The following CSMD1 variants were observed in gnomAD, a reference collection of about 807,000 sequenced individuals.
The protein encoded by CSMD1 is CUB and Sushi multiple domains 1, also known as CUB and sushi domain-containing protein 1.
CSMD1 carries 213 observed loss-of-function variants against 417.5 expected under a neutral mutation model. That is an observed-to-expected ratio of 0.51 (90% CI 0.46 to 0.57). The LOEUF (loss-of-function observed/expected upper bound fraction) is 0.57. Among genes scored for constraint, CSMD1 ranks in the 20% least tolerant of loss-of-function variants. The pLI is 0.00. For synonymous variants in CSMD1, 2,862 were observed against 1,736.8 expected (o/e 1.65, Z -16.11); for missense variants, 6,923 against 4,529.7 (o/e 1.53, Z -15.17).
At chr8:4,228,504 C>G (rs1254965711) in intron 3 of CSMD1, among the ~76,000 whole-genome samples, 1 of 151,898 alleles carries the variant, frequency 6.6e-6, no homozygotes, top group Non-Finnish European at 1.5e-5. Context: ...TGTCTCTGGT[C>G]TTCCAGTCAA....
intron 12 of CSMD1, among the ~76,000 whole-genome samples, chr8:3,420,698 G>A (rs1037560696): frequency 3.9e-5 from 6 of 152,104 alleles, no homozygotes; most frequent in African/African-American, 1.2e-4. Context: ...TAAACTTTTG[G>A]GTCTTAATAC....
At chr8:4,261,726 T>C (rs1318414101) in intron 3 of CSMD1, among the ~76,000 whole-genome samples, 3 of 152,072 alleles carry the variant, frequency 2.0e-5, no homozygotes, top group African/African-American at 2.4e-5. Context: ...AGATCTTAAA[T>C]GCCCCCATCA....
chr8:3,334,385 A>G (rs1193261470), intron 23 of CSMD1, among the ~76,000 whole-genome samples: 2 of 152,096 alleles, frequency 1.3e-5, no homozygotes, highest in Non-Finnish European at 2.9e-5. Flanking sequence ...GTGCTTCTGT[A>G]TCGGTCCTGA....
At chr8:3,301,415 G>T (rs1199936316) in intron 25 of CSMD1, among the ~76,000 whole-genome samples, 1 of 152,156 alleles carries the variant, frequency 6.6e-6, no homozygotes, top group Non-Finnish European at 1.5e-5. Context: ...GTCTTGACAT[G>T]TGGATATGAT....
chr8:4,933,299 C>T lies in CSMD1; in HGVS notation c.85+61033G>A, dbSNP rs532991367. Among the ~76,000 whole-genome samples the T allele has an allele frequency of 2.6e-5, 4 of 152,278 alleles. No homozygotes were observed. The South Asian group carries it at 8.3e-4, about 32-fold the overall frequency. ...GCAACATTCTCTCAGAGGAGCACAA[C>T]CTGTCCAGCTGTATAATCATGCATT... On this transcript the variant is annotated intron_variant, in intron 1 of 69. Coordinates refer to ENST00000635120, the MANE Select transcript of CSMD1 (RefSeq NM_033225.6).
chr8:4,580,746 T>A lies in CSMD1; in HGVS notation c.302+56596A>T, dbSNP rs899048952. On this transcript the variant is annotated intron_variant, in intron 2 of 69. Coordinates refer to ENST00000635120, the MANE Select transcript of CSMD1 (RefSeq NM_033225.6). ...GATTAAATCACCCCAAATCAATCTCTCTCCCTTTGAGGTTCTCCTAACATT... is the reference window on the plus strand; with the variant it reads ...GATTAAATCACCCCAAATCAATCTCACTCCCTTTGAGGTTCTCCTAACATT... Among the ~76,000 whole-genome samples, 123 of 152,306 alleles carry A rather than the reference T, an allele frequency of 8.1e-4. 1 individual carries two copies. The highest frequency in any genetic ancestry group is 2.8e-3 in the African/African-American group (115 of 41,562).
At chr8:4,526,022 A>G (rs1198041350) in intron 2 of CSMD1, among the ~76,000 whole-genome samples, 1 of 152,166 alleles carries the variant, frequency 6.6e-6, no homozygotes, top group African/African-American at 2.4e-5. Flanking sequence ...CAGCTCTAGA[A>G]GGAGTGGAGC....
intron 2 of CSMD1, among the ~76,000 whole-genome samples, chr8:4,631,412 T>G (rs1802506126): frequency 6.6e-6 from 1 of 151,828 alleles, no homozygotes; most frequent in East Asian, 1.9e-4. Context: ...TTTTTTTTTT[T>G]TAATCAGTCC....
intron 2 of CSMD1, among the ~76,000 whole-genome samples, chr8:4,624,398 A>G (rs1215989908): frequency 2.0e-5 from 3 of 152,142 alleles, no homozygotes; most frequent in Non-Finnish European, 2.9e-5. Context: ...TTTGGGGTCA[A>G]CTTCTTTGGA....
intron 1 of CSMD1, among the ~76,000 whole-genome samples, chr8:4,640,455 C>G (rs1389682480): frequency 1.3e-5 from 2 of 152,098 alleles, no homozygotes; most frequent in African/African-American, 2.4e-5. Context: ...AATAGAAAGC[C>G]ATAAAATCCA....
intron 26 of CSMD1, among the ~76,000 whole-genome samples, chr8:3,276,056 G>A (rs942141003): frequency 2.6e-5 from 4 of 152,074 alleles, no homozygotes; most frequent in Non-Finnish European, 4.4e-5. Flanking sequence ...CCATCTTTGT[G>A]GTTTTATCTA....
intron 3 of CSMD1, among the ~76,000 whole-genome samples, chr8:4,184,568 G>A (rs1018801050): frequency 2.6e-5 from 4 of 152,168 alleles, no homozygotes; most frequent in African/African-American, 7.2e-5. Flanking sequence ...GCATGAGCAT[G>A]GATGGAGCTG....
chr8:3,613,825 G>A (rs1351531543), intron 8 of CSMD1, among the ~76,000 whole-genome samples: 3 of 151,656 alleles, frequency 2.0e-5, no homozygotes, highest in African/African-American at 7.3e-5. Context: ...TAACTATAAT[G>A]AAAGCCAGAA....
chr8:3,881,322 C>A (rs1338945533), intron 5 of CSMD1, among the ~76,000 whole-genome samples: 2 of 149,886 alleles, frequency 1.3e-5, no homozygotes, highest in South Asian at 2.1e-4. Context: ...GCAAAGAAGA[C>A]TGAATATATA....
At chr8:4,869,770 T>A (rs887023163) in intron 1 of CSMD1, among the ~76,000 whole-genome samples, 5 of 152,094 alleles carry the variant, frequency 3.3e-5, no homozygotes, top group African/African-American at 1.2e-4. Context: ...AGCAAACACA[T>A]TCTACTTACA....
intron 4 of CSMD1, among the ~76,000 whole-genome samples, chr8:4,009,815 G>A (rs891973434): frequency 1.3e-5 from 2 of 152,150 alleles, no homozygotes; most frequent in South Asian, 4.1e-4. Context: ...CCTCCCTCCT[G>A]TTCTCAGAGA....
chr8:4,167,755 C>A (rs182257635), intron 3 of CSMD1, among the ~76,000 whole-genome samples: 1 of 152,168 alleles, frequency 6.6e-6, no homozygotes, highest in African/African-American at 2.4e-5. Flanking sequence ...TTTTAGAGAC[C>A]AAGGCAGGAG....
Position 3,658,758 on chromosome 8 carries a change from G to T in CSMD1, c.1010-41961C>A, listed in dbSNP as rs114737358. On this transcript the variant is annotated intron_variant, in intron 7 of 69. Coordinates refer to ENST00000635120, the MANE Select transcript of CSMD1 (RefSeq NM_033225.6). ...AGATCGTGCCACTGAACTTCAGCCT[G>T]GGTGACAAAGAGAGACTCCACCTCA... is the stretch of plus-strand genomic sequence containing the variant. 4.5e-3 allele frequency among the ~76,000 whole-genome samples: 684 copies of T among 152,164 alleles called. 4 individuals are homozygous for T. Among genetic ancestry groups the T allele is most frequent in the African/African-American group, 0.015 (643 of 41,514 alleles).
chr8:3,966,188 C>T (rs898771525), intron 5 of CSMD1, among the ~76,000 whole-genome samples: 1 of 152,046 alleles, frequency 6.6e-6, no homozygotes, highest in African/African-American at 2.4e-5. Flanking sequence ...TCTAAGGTAC[C>T]ACGGTATAAA....
Sources: allele counts gnomAD v4.1 joint callset (sites outside exome capture counted in the v4.1 genomes callset), GRCh38; gene constraint gnomAD v4.1.1; transcripts MANE v1.5; gene names NCBI Gene and HGNC (gene_info 2026-07-23, HGNC 2026-07-21).